The following MYO1D variants were observed in gnomAD, a reference collection of about 807,000 sequenced individuals.
The protein encoded by MYO1D is myosin ID.
Under a neutral mutation model 122.0 loss-of-function variants are expected in MYO1D, and 83 were observed. The ratio of observed to expected loss-of-function variants is 0.68; its 90% CI spans 0.57 to 0.82. The LOEUF is 0.82. Among genes scored for constraint, MYO1D ranks in the 40% least tolerant of loss-of-function variants. The probability of loss-of-function intolerance (pLI) is 0.00; values close to 1 mark genes in which losing one functional copy is unlikely to be tolerated. For missense variants in MYO1D, 1,157 were observed against 1,269.5 expected (o/e 0.91, Z 1.35); for synonymous variants, 464 against 446.9 (o/e 1.04, Z -0.48).
At chr17:32,860,218 G>A (rs1396151387) in intron 1 of MYO1D, among the ~76,000 whole-genome samples, 4 of 152,226 alleles carry the variant, frequency 2.6e-5, no homozygotes, top group Non-Finnish European at 5.9e-5. Flanking sequence ...GACAAGTGGA[G>A]GCAGAGTCCT....
At chr17:32,681,723 T>C (rs1424137417) in intron 16 of MYO1D, among the ~76,000 whole-genome samples, 1 of 147,654 alleles carries the variant, frequency 6.8e-6, no homozygotes, top group Non-Finnish European at 1.5e-5. Flanking sequence ...AAAATGTATA[T>C]TCTGTTGATT....
chr17:32,742,734 A>C (rs1240049904), intron 13 of MYO1D, among the ~76,000 whole-genome samples: 1 of 151,906 alleles, frequency 6.6e-6, no homozygotes, highest in Admixed American at 6.5e-5. Flanking sequence ...CCTCTCTCAC[A>C]TTCCTGTCTC....
chr17:32,582,623 T>C (rs995188626), intron 21 of MYO1D, among the ~76,000 whole-genome samples: 1 of 152,018 alleles, frequency 6.6e-6, no homozygotes, highest in African/African-American at 2.4e-5. Context: ...TCTGATGCTG[T>C]TGGGCAGAAT....
chr17:32,681,166 T>C (rs2088910666), intron 16 of MYO1D, among the ~76,000 whole-genome samples: 1 of 152,160 alleles, frequency 6.6e-6, no homozygotes, highest in African/African-American at 2.4e-5. Flanking sequence ...GTCTTGCTAG[T>C]GGTCTATCAA....
intron 3 of MYO1D, among the ~76,000 whole-genome samples, chr17:32,776,778 G>T (rs2090176084): frequency 6.6e-6 from 1 of 152,114 alleles, no homozygotes; most frequent in African/African-American, 2.4e-5. Context: ...GCCATTTAAT[G>T]CATTCTTTAT....
chr17:32,845,335 A>C (rs531354333), intron 1 of MYO1D, among the ~76,000 whole-genome samples: 14 of 152,338 alleles, frequency 9.2e-5, no homozygotes, highest in Non-Finnish European at 1.6e-4. Flanking sequence ...CCCTGCCTAA[A>C]GAATCAGCAG....
At chr17:32,563,606 G>A (rs1323757688) in intron 21 of MYO1D, among the ~76,000 whole-genome samples, 2 of 151,968 alleles carry the variant, frequency 1.3e-5, no homozygotes, top group African/African-American at 2.4e-5. Context: ...CTTAACGTCA[G>A]TGGGAGAACT....
At chr17:32,809,431 C>CT (rs57040549) in intron 1 of MYO1D, among the ~76,000 whole-genome samples, 44,075 of 135,824 alleles carry the variant, frequency 0.32, 7,333 homozygotes, top group East Asian at 0.54. Context: ...TGGCCTAGGC[C>CT]TTTTTTTTTT....
intron 10 of MYO1D, among the ~76,000 whole-genome samples, chr17:32,756,671 G>T (rs1200840885): frequency 6.6e-6 from 1 of 151,020 alleles, no homozygotes; most frequent in Non-Finnish European, 1.5e-5. Context: ...AAGTTAAAAA[G>T]CTTCAATAGA....
chr17:32,739,922 C>A (rs1567618776), intron 13 of MYO1D, among the ~76,000 whole-genome samples: 3 of 152,198 alleles, frequency 2.0e-5, no homozygotes, highest in Admixed American at 6.5e-5. Context: ...CAGCCCCCAC[C>A]ATCACCAGCA....
intron 20 of MYO1D, among the ~76,000 whole-genome samples, chr17:32,607,128 T>TCAG (rs1449091430): frequency 2.1e-4 from 32 of 152,028 alleles, no homozygotes; most frequent in African/African-American, 7.2e-4. Context: ...TCACTGCACT[T>TCAG]CAGCCTGGGC....
At chr17:32,765,892 A>G (rs1344041337) in intron 7 of MYO1D, among the ~76,000 whole-genome samples, 2 of 151,868 alleles carry the variant, frequency 1.3e-5, no homozygotes, top group African/African-American at 2.4e-5. Context: ...CTGATTTGAA[A>G]TGTCACCTTT....
chr17:32,738,785 A>C (rs544395386), intron 13 of MYO1D, among the ~76,000 whole-genome samples: 1 of 152,328 alleles, frequency 6.6e-6, no homozygotes, highest in East Asian at 1.9e-4. Context: ...CAGAAAACAT[A>C]AAAGTGGCAA....
intron 1 of MYO1D, among the ~76,000 whole-genome samples, chr17:32,803,736 G>C (rs184162687): frequency 2.0e-5 from 3 of 152,122 alleles, no homozygotes; most frequent in Non-Finnish European, 4.4e-5. Flanking sequence ...ATTCTCTTGC[G>C]AAGGAAGTGA....
chr17:32,635,693 G>A (rs143977203), intron 20 of MYO1D, among the ~76,000 whole-genome samples: 4 of 151,984 alleles, frequency 2.6e-5, no homozygotes, highest in African/African-American at 9.7e-5. Flanking sequence ...ACTCCGTCTC[G>A]GGTGGCGGGG....
intron 19 of MYO1D, among the ~76,000 whole-genome samples, chr17:32,640,917 A>C (rs2088190108): frequency 6.6e-6 from 1 of 151,620 alleles, no homozygotes; most frequent in Non-Finnish European, 1.5e-5. Flanking sequence ...TTTAAAATTT[A>C]TTTTATTATT....
intron 20 of MYO1D, among the ~76,000 whole-genome samples, chr17:32,632,730 G>A (rs1307982751): frequency 1.3e-5 from 2 of 151,818 alleles, no homozygotes; most frequent in African/African-American, 4.8e-5. Flanking sequence ...TGTGGCAAAT[G>A]ACAGTGTTAT....
At chr17:32,840,918 C>G (rs989175242) in intron 1 of MYO1D, among the ~76,000 whole-genome samples, 1 of 152,254 alleles carries the variant, frequency 6.6e-6, no homozygotes, top group South Asian at 2.1e-4. Context: ...TCAGTAAAGA[C>G]CATACTTCAA....
intron 16 of MYO1D, among the ~76,000 whole-genome samples, chr17:32,701,797 C>G (rs1459265675): frequency 6.6e-6 from 1 of 152,108 alleles, no homozygotes; most frequent in Non-Finnish European, 1.5e-5. Flanking sequence ...GAACTCCTGG[C>G]CTCAAGTAAT....
Sources: gnomAD v4.1 joint callset for allele counts (sites outside exome capture counted in the v4.1 genomes callset) on GRCh38, gnomAD v4.1.1 for gene constraint, MANE v1.5 for transcripts, NCBI Gene and HGNC (gene_info 2026-07-23, HGNC 2026-07-21) for gene names.